The following SMARCD3 variants were observed in gnomAD, a reference collection of about 807,000 sequenced individuals.
SMARCD3 encodes the protein SWI/SNF-related matrix-associated actin-dependent regulator of chromatin subfamily D member 3.
In SMARCD3, 14 loss-of-function variants were observed where a neutral mutation model predicts 58.0. The ratio of observed to expected loss-of-function variants is 0.24; its 90% CI spans 0.16 to 0.38. SMARCD3 has a LOEUF of 0.38. Ranked by LOEUF, SMARCD3 falls within the 10% of genes least tolerant of loss-of-function variation. The pLI is 1.00. For missense variants in SMARCD3, 408 were observed against 636.9 expected (o/e 0.64, Z 3.87); for synonymous variants, 253 against 253.8 (o/e 1.00, Z 0.03).
At chr7:151,274,596 G>A (rs553929927) in intron 2 of SMARCD3, among the ~76,000 whole-genome samples, 13 of 152,358 alleles carry the variant, frequency 8.5e-5, no homozygotes, top group African/African-American at 2.9e-4. Flanking sequence ...GGGCCCTGAG[G>A]GTTTTTAGAG....
chr7:151,268,954 C>T (rs1179234719), intron 2 of SMARCD3, among the ~76,000 whole-genome samples: 1 of 152,172 alleles, frequency 6.6e-6, no homozygotes, highest in Non-Finnish European at 1.5e-5. Context: ...TCAGTCTTTA[C>T]TGGCTGCTAT....
In SMARCD3 at chr7:151,239,810, A is replaced by C; in HGVS notation, c.1174-64T>G. ...GTGATGTGGGAGACGAGGGGAAAGG[A>C]AGCGGGTGGGAAGGGGAGGGAGAGG... On this transcript the variant is annotated intron_variant, in intron 10 of 12. Transcript: ENST00000262188. The surrounding 1 kb of genome is among the most constrained non-coding windows in gnomAD (Gnocchi z 7.0). 6.4e-7 allele frequency: 1 copy of C among 1,569,928 alleles called. No individual in the cohort carries two copies. Among genetic ancestry groups the C allele is most frequent in the South Asian group, 1.1e-5 (1 of 89,960 alleles).
rs375203486 is a variant in SMARCD3, at chr7:151,240,118, G to A, written c.1167C>T (p.Asp389=). Residue 389 remains aspartate (D), a synonymous_variant, in exon 10 of 13, where the codon GAC becomes GAT. Coordinates refer to ENST00000262188, the MANE Select transcript of SMARCD3 (RefSeq NM_001003801.2). The part of the protein sequence containing the change: ...TANQQEISAL[D]SKIHETIESI... The stretch of plus-strand genomic sequence containing the variant: ...CTCTGGGCTTGGGCCCCACCTTACT[G>A]TCCAGAGCACTGATCTCCTGCTGGT... 2 of 1,613,526 alleles carry A rather than the reference G, an allele frequency of 1.2e-6. No individual in the cohort carries two copies. Among genetic ancestry groups the A allele is most frequent in the Non-Finnish European group, 1.7e-6 (2 of 1,179,992 alleles).
Position 151,241,786 on chromosome 7 carries a change from A to G in SMARCD3, c.777+91T>C. The G allele has an allele frequency of 5.8e-6, 8 of 1,385,834 alleles. No individual in the cohort carries two copies. Among genetic ancestry groups the G allele is most frequent in the Non-Finnish European group, 8.1e-6 (8 of 991,576 alleles). 85.8% of individuals were successfully genotyped at this position (1,385,834 alleles called of 1,614,324 possible). ...TGGGGAAGGATAGGTTTGGGAGGGG[A>G]AGGAGGTCTCTCAAGATGCACCACT... On this transcript the variant is annotated intron_variant, in intron 7 of 12. Transcript: ENST00000262188. This position sits in a 1 kb window ranked among gnomAD's most constrained non-coding sequence, Gnocchi z 5.3.
Position 151,266,582 on chromosome 7 carries a change from CT to C in SMARCD3, c.39+8531del, listed in dbSNP as rs143304779. On this transcript the variant is annotated intron_variant, in intron 2 of 13. Transcript: ENST00000356800. ...CAAGACAAGGCTCTCTCTCTCCAGACTAATGTACACCCTTTGGGGCTTCGTC... is the reference window on the plus strand; with the variant it reads ...CAAGACAAGGCTCTCTCTCTCCAGACAATGTACACCCTTTGGGGCTTCGTC... Among the ~76,000 whole-genome samples the C allele has an allele frequency of 9.7e-3, 1,485 of 152,336 alleles. 26 individuals carry two copies. The highest frequency in any genetic ancestry group is 0.034 in the African/African-American group (1,402 of 41,568).
Position 151,239,290 on chromosome 7 carries a change from G to T in SMARCD3, c.1398+106C>A. On this transcript the variant is annotated intron_variant, in intron 12 of 12. Coordinates refer to ENST00000262188, the MANE Select transcript of SMARCD3 (RefSeq NM_001003801.2). This position sits in a 1 kb window ranked among gnomAD's most constrained non-coding sequence, Gnocchi z 7.0. ...GGCCATTGCATGGTGAGGCAGCGTG[G>T]TGAAGCTTTACTGTGGGGAGCTGCG... 7.6e-7 allele frequency: 1 copy of T among 1,319,258 alleles called. No individual in the cohort carries two copies. The highest frequency in any genetic ancestry group is 1.1e-6 in the Non-Finnish European group (1 of 913,778). The allele number at this position is 1,319,258 out of a possible 1,614,324, so 81.7% of individuals were successfully genotyped here.
chr7:151,270,778 C>T (rs58308852), intron 2 of SMARCD3, among the ~76,000 whole-genome samples: 1 of 152,294 alleles, frequency 6.6e-6, no homozygotes, highest in East Asian at 1.9e-4. Context: ...ATTCTCGTTA[C>T]TGTGCTGGGC....
At chr7:151,259,351 C>CA (rs540959643) in intron 2 of SMARCD3, among the ~76,000 whole-genome samples, 35,173 of 106,622 alleles carry the variant, frequency 0.33, 5,057 homozygotes, top group African/African-American at 0.37. Flanking sequence ...GACTCTGTCT[C>CA]AAAAAAAAAA....
chr7:151,259,245 G>A (rs10215896), intron 2 of SMARCD3, among the ~76,000 whole-genome samples: 44,483 of 149,972 alleles, frequency 0.3, 6,653 homozygotes, highest in Middle Eastern at 0.39. Flanking sequence ...CCAGCTACTC[G>A]GGAGGCTGAG....
intron 2 of SMARCD3, among the ~76,000 whole-genome samples, chr7:151,257,371 T>A (rs774823779): frequency 6.6e-6 from 1 of 152,198 alleles, no homozygotes; most frequent in East Asian, 1.9e-4. Flanking sequence ...AGCCTCCACA[T>A]TGGCAAATGC....
At position 151,245,591 on chromosome 7, in the gene SMARCD3, G is replaced by A; in HGVS notation, c.159C>T (p.Ser53=). 1 of 1,164,966 alleles carries A rather than the reference G, an allele frequency of 8.6e-7. No individual in the cohort carries two copies. The highest frequency in any genetic ancestry group is 1.1e-6 in the Non-Finnish European group (1 of 927,628). 72.2% of individuals were successfully genotyped at this position (1,164,966 alleles called of 1,614,324 possible). The change falls in exon 2 of 13, where the codon AGC becomes AGT. Residue 53 remains serine, a synonymous_variant. Coordinates refer to ENST00000262188, the MANE Select transcript of SMARCD3 (RefSeq NM_001003801.2). This position sits in a 1 kb window ranked among gnomAD's most constrained non-coding sequence, Gnocchi z 6.2. ...MGPPGSPYMG[S]PAVRPGLAPA... ...GGGCCAGGCCGGGTCGCACGGCGGG[G>A]CTGCCCATGTACGGGGAGCCCGGGG...
At chr7:151,251,812 C>T (rs1050585048), upstream of SMARCD3, among the ~76,000 whole-genome samples, 4 of 151,462 alleles carry the variant, frequency 2.6e-5, no homozygotes, top group African/African-American at 9.7e-5. Context: ...CAAAGCGCCG[C>T]TCCCCGCGCA....
intron 2 of SMARCD3, among the ~76,000 whole-genome samples, chr7:151,270,691 G>T (rs889876090): frequency 6.6e-6 from 1 of 152,160 alleles, no homozygotes; most frequent in Non-Finnish European, 1.5e-5. Flanking sequence ...ATGTGTGAGG[G>T]CCCTGAGTGA....
intron 1 of SMARCD3, among the ~76,000 whole-genome samples, chr7:151,275,760 G>A (rs1795320546): frequency 6.6e-6 from 1 of 152,192 alleles, no homozygotes; most frequent in Non-Finnish European, 1.5e-5. Flanking sequence ...TGCCTGCTCT[G>A]TCCTGTCCTG....
Position 151,245,269 on chromosome 7 carries a change from G to A in SMARCD3, c.290+191C>T, listed in dbSNP as rs1317905226. ...CGACGCCGCAGCCTGTCTCTACCGT[G>A]GGCACACAAAAGAATCAGGCCGGTG... On this transcript the variant is annotated intron_variant, in intron 2 of 12. Transcript: ENST00000262188. The surrounding 1 kb of genome is among the most constrained non-coding windows in gnomAD (Gnocchi z 6.2). Among the ~76,000 whole-genome samples the A allele has an allele frequency of 6.6e-6, 1 of 152,094 alleles. No individual in the cohort carries two copies. Among genetic ancestry groups the A allele is most frequent in the African/African-American group, 2.4e-5 (1 of 41,404 alleles).
At chr7:151,244,805 AC>A (rs1803175295) in intron 2 of SMARCD3, among the ~76,000 whole-genome samples, 2 of 152,194 alleles carry the variant, frequency 1.3e-5, no homozygotes, top group Non-Finnish European at 2.9e-5. Context: ...AAATACTGAA[AC>A]CCGGAGGGGC....
At chr7:151,276,383 G>A (rs1250006341) in intron 1 of SMARCD3, among the ~76,000 whole-genome samples, 3 of 145,360 alleles carry the variant, frequency 2.1e-5, no homozygotes, top group Non-Finnish European at 4.6e-5. Flanking sequence ...GAAAGTGCTC[G>A]GCAGGGGGGA....
chr7:151,257,746 C>T (rs1321062238), intron 2 of SMARCD3, among the ~76,000 whole-genome samples: 2 of 152,166 alleles, frequency 1.3e-5, no homozygotes, highest in African/African-American at 4.8e-5. Flanking sequence ...CCATCCAGTT[C>T]TCCTTCCCTC....
At chr7:151,269,505 T>G (rs960046572) in intron 2 of SMARCD3, among the ~76,000 whole-genome samples, 1 of 152,182 alleles carries the variant, frequency 6.6e-6, no homozygotes, top group African/African-American at 2.4e-5. Context: ...ACCTGCAGAC[T>G]GCATCAGGCT....
Sources: gnomAD v4.1 joint callset for allele counts (sites outside exome capture counted in the v4.1 genomes callset) on GRCh38, gnomAD v4.1.1 for gene constraint, Gnocchi (gnomAD v3.1) non-coding constraint, MANE v1.5 for transcripts, NCBI Gene and HGNC (gene_info 2026-07-23, HGNC 2026-07-21) for gene names.